Variants in SERGEF observed in about 807,000 individuals in gnomAD.
SERGEF encodes the protein secretion-regulating guanine nucleotide exchange factor.
SERGEF carries 51 observed loss-of-function variants against 50.0 expected under a neutral mutation model. That is an observed-to-expected ratio of 1.02 (90% CI 0.81 to 1.29). The LOEUF is 1.29. Among genes scored for constraint, SERGEF ranks in the 50% most tolerant of loss-of-function variants. The probability of loss-of-function intolerance (pLI) is 0.00; values close to 1 mark genes in which losing one functional copy is unlikely to be tolerated. For synonymous variants in SERGEF, 205 were observed against 212.4 expected, an observed-to-expected ratio of 0.97 and a Z score of 0.30; for missense variants, 521 against 557.0, an observed-to-expected ratio of 0.94 and a Z score of 0.65.
chr11:17,904,304 A>C (rs901262881), intron 9 of SERGEF, among the ~76,000 whole-genome samples: 4 of 152,228 alleles, frequency 2.6e-5, no homozygotes, highest in African/African-American at 9.7e-5. Flanking sequence ...TGCAGCAGCT[A>C]AAAGTGAATG....
rs770118560 is a variant in SERGEF, at chr11:17,878,178, G to T, written c.1048+30C>A. ...CAATTCTGCCACATGATTTTCAGAA[G>T]AAACAGTTATCAGTATAAAAATTAC... On this transcript the variant is annotated intron_variant, in intron 10 of 10. Transcript: ENST00000265965. 60 of 1,512,782 alleles carry T rather than the reference G, an allele frequency of 4.0e-5. No homozygotes were observed. The South Asian group carries it at 6.4e-4, about 16-fold the overall frequency. 93.7% of individuals were successfully genotyped at this position (1,512,782 alleles called of 1,614,324 possible). A position where few individuals can be genotyped will look rare whatever the true frequency, so the allele number is the denominator to read the frequency against.
At chr11:17,997,848 G>C (rs1853870072) in intron 5 of SERGEF, among the ~76,000 whole-genome samples, 1 of 152,140 alleles carries the variant, frequency 6.6e-6, no homozygotes, top group African/African-American at 2.4e-5. Flanking sequence ...GATACAGAAA[G>C]TAGAATAGTG....
chr11:17,858,381 A>G (rs78405747), intron 10 of SERGEF, among the ~76,000 whole-genome samples: 5 of 152,240 alleles, frequency 3.3e-5, no homozygotes, highest in African/African-American at 1.2e-4. Context: ...TATGTAAAGG[A>G]TGATGGGACT....
At chr11:17,997,269 T>C (rs1259280071) in intron 5 of SERGEF, among the ~76,000 whole-genome samples, 1 of 152,180 alleles carries the variant, frequency 6.6e-6, no homozygotes, top group Non-Finnish European at 1.5e-5. Flanking sequence ...GATATACAAG[T>C]GTCCAGTAAA....
intron 8 of SERGEF, among the ~76,000 whole-genome samples, chr11:17,984,989 G>A (rs2133993188): frequency 6.6e-6 from 1 of 152,268 alleles, no homozygotes; most frequent in South Asian, 2.1e-4. Flanking sequence ...ATTTTAATAG[G>A]TAATATTACA....
intron 10 of SERGEF, among the ~76,000 whole-genome samples, chr11:17,819,937 C>G (rs894919255): frequency 1.3e-5 from 2 of 152,174 alleles, no homozygotes; most frequent in East Asian, 1.9e-4. Flanking sequence ...CTCCCAGGCT[C>G]AAGCGATCCT....
rs141576618 is a variant in SERGEF, at chr11:17,915,251, T to C, written c.1012-37007A>G. 1.9e-4 allele frequency among the ~76,000 whole-genome samples: 29 copies of C among 152,346 alleles called. No homozygotes were observed. In the East Asian group the frequency reaches 5.6e-3, roughly 29 times the overall value. On this transcript the variant is annotated intron_variant, in intron 9 of 10. Coordinates refer to ENST00000265965, the MANE Select transcript of SERGEF (RefSeq NM_012139.4). ...TACCTGAAATATACCAGATGCTGAA[T>C]ACATATTGGCTGAGTGGGTGAACTT...
At chr11:17,844,052 T>C (rs1850555970) in intron 10 of SERGEF, among the ~76,000 whole-genome samples, 1 of 152,104 alleles carries the variant, frequency 6.6e-6, no homozygotes, top group Non-Finnish European at 1.5e-5. Context: ...TCCCAAGTGA[T>C]TTGATAGAAT....
intron 9 of SERGEF, among the ~76,000 whole-genome samples, chr11:17,929,234 A>C (rs2133946079): frequency 6.6e-6 from 1 of 152,236 alleles, no homozygotes; most frequent in East Asian, 1.9e-4. Flanking sequence ...CCCAAGAAAA[A>C]ACTCCTTTGG....
At chr11:17,910,524 G>T (rs1248328349) in intron 9 of SERGEF, among the ~76,000 whole-genome samples, 1 of 152,154 alleles carries the variant, frequency 6.6e-6, no homozygotes, top group African/African-American at 2.4e-5. Context: ...AAAGAGCTGG[G>T]ATTATAGCCA....
At position 17,885,503 on chromosome 11, in the gene SERGEF, T is replaced by C. The variant is rs73426264; in HGVS notation, c.1012-7259A>G. Among the ~76,000 whole-genome samples the C allele has an allele frequency of 2.8e-3, 426 of 152,040 alleles. 3 individuals are homozygous for C. The highest frequency in any genetic ancestry group is 9.9e-3 in the African/African-American group (412 of 41,456). ...TGCCTGGCCAATTTTTTTTTTTACT[T>C]CTTGTAGGAACAGGATCTCATCATG... is the stretch of plus-strand genomic sequence containing the variant. On this transcript the variant is annotated intron_variant, in intron 9 of 10. Transcript: ENST00000265965.
intron 8 of SERGEF, among the ~76,000 whole-genome samples, chr11:17,964,961 G>A (rs1269643958): frequency 6.6e-6 from 1 of 152,210 alleles, no homozygotes; most frequent in Non-Finnish European, 1.5e-5. Flanking sequence ...CAGGAAACAG[G>A]CAAGGAGAGA....
chr11:17,910,611 T>C (rs1851934340), intron 9 of SERGEF, among the ~76,000 whole-genome samples: 1 of 152,182 alleles, frequency 6.6e-6, no homozygotes, highest in Admixed American at 6.5e-5. Flanking sequence ...GAAGTCTCCC[T>C]AATATTTTGC....
intron 10 of SERGEF, among the ~76,000 whole-genome samples, chr11:17,818,848 C>T (rs1485751496): frequency 1.3e-5 from 2 of 152,204 alleles, no homozygotes; most frequent in Non-Finnish European, 2.9e-5. Context: ...TCCCACTCCA[C>T]CTCCCACCAA....
intron 10 of SERGEF, among the ~76,000 whole-genome samples, chr11:17,789,945 A>G (rs989439259): frequency 2.6e-5 from 4 of 152,222 alleles, no homozygotes; most frequent in Non-Finnish European, 5.9e-5. Context: ...AGATTGTGCC[A>G]TTGCACTCCA....
chr11:17,975,726 A>C (rs58706464), intron 8 of SERGEF, among the ~76,000 whole-genome samples: 4,231 of 152,030 alleles, frequency 0.028, 186 homozygotes, highest in African/African-American at 0.097. Flanking sequence ...TTTCTCACAC[A>C]CCTCCACTCC....
chr11:17,924,297 T>C (rs760706446), intron 9 of SERGEF, among the ~76,000 whole-genome samples: 4 of 152,108 alleles, frequency 2.6e-5, no homozygotes, highest in Admixed American at 6.6e-5. Context: ...TATAGAAAAC[T>C]TCACAGAGGA....
At chr11:18,000,943 T>C in intron 4 of SERGEF, 1 of 363,904 alleles carries the variant, frequency 2.7e-6, no homozygotes, top group Non-Finnish European at 5.3e-6. Context: ...CATAAATGAA[T>C]GAGCATGACT....
intron 9 of SERGEF, among the ~76,000 whole-genome samples, chr11:17,920,808 A>G (rs776230870): frequency 6.6e-6 from 1 of 152,230 alleles, no homozygotes; most frequent in Non-Finnish European, 1.5e-5. Flanking sequence ...CTGAGAAACA[A>G]GCAATCTGAC....
Sources: allele counts gnomAD v4.1 joint callset (sites outside exome capture counted in the v4.1 genomes callset), GRCh38; gene constraint gnomAD v4.1.1; transcripts MANE v1.5; gene names NCBI Gene and HGNC (gene_info 2026-07-23, HGNC 2026-07-21).